The following ANP32B variants were observed in gnomAD, a reference collection of about 807,000 sequenced individuals.
ANP32B encodes the protein acidic leucine-rich nuclear phosphoprotein 32 family member B.
Under a neutral mutation model 32.2 loss-of-function variants are expected in ANP32B, and 6 were observed. The observed-to-expected ratio is 0.19, with a 90% confidence interval of 0.10 to 0.37. The LOEUF (loss-of-function observed/expected upper bound fraction) is 0.37. Among genes scored for constraint, ANP32B ranks in the 10% least tolerant of loss-of-function variants. ANP32B has a pLI of 1.00. For synonymous variants in ANP32B, 98 were observed against 105.8 expected (o/e 0.93, Z 0.45); for missense variants, 204 against 289.2 (o/e 0.71, Z 2.14).
chr9:97,995,669 C>G (rs988196673), intron 2 of ANP32B, among the ~76,000 whole-genome samples: 12 of 151,886 alleles, frequency 7.9e-5, no homozygotes, highest in African/African-American at 2.9e-4. Flanking sequence ...GTCTGTAATC[C>G]CAACACTTTG....
At chr9:98,012,800 G>A (rs540879033) in intron 6 of ANP32B, among the ~76,000 whole-genome samples, 132 of 152,202 alleles carry the variant, frequency 8.7e-4, no homozygotes, top group Non-Finnish European at 1.3e-3. Flanking sequence ...GCACGATCTC[G>A]GCTCACTGCA....
At chr9:98,007,793 T>G (rs2131590696) in intron 4 of ANP32B, among the ~76,000 whole-genome samples, 1 of 152,276 alleles carries the variant, frequency 6.6e-6, no homozygotes, top group African/African-American at 2.4e-5. Context: ...GTGATTAAAA[T>G]TAACCACATT....
chr9:97,998,482 A>G, intron 2 of ANP32B, 74 bp from the exon 3 acceptor site: 4 of 1,448,854 alleles, frequency 2.8e-6, no homozygotes, highest in Non-Finnish European at 3.7e-6. Context: ...TGTATTTGTT[A>G]CTTACAATAC....
At chr9:97,986,251 T>C (rs539039860) in intron 1 of ANP32B, among the ~76,000 whole-genome samples, 1 of 152,390 alleles carries the variant, frequency 6.6e-6, no homozygotes, top group South Asian at 2.1e-4. Context: ...GACAAGTGGC[T>C]CGTGGGTGCT....
intron 1 of ANP32B, among the ~76,000 whole-genome samples, chr9:97,989,348 A>G (rs1260700406): frequency 9.9e-5 from 15 of 152,214 alleles, no homozygotes; most frequent in Admixed American, 9.8e-4. Flanking sequence ...AACAAATATG[A>G]GTTAAGTAGG....
chr9:97,984,878 C>T (rs1472655369), intron 1 of ANP32B, among the ~76,000 whole-genome samples: 2 of 150,694 alleles, frequency 1.3e-5, no homozygotes, highest in Non-Finnish European at 3.0e-5. Context: ...TTCGGCTCGG[C>T]TCGTGGGCCG....
intron 1 of ANP32B, among the ~76,000 whole-genome samples, chr9:97,983,818 G>C (rs542922789): frequency 1.3e-5 from 2 of 151,984 alleles, no homozygotes; most frequent in Admixed American, 6.5e-5. Flanking sequence ...GGGGCGGCCG[G>C]GGGGAGGCAG....
chr9:97,988,960 T>C (rs1265722279), intron 1 of ANP32B, among the ~76,000 whole-genome samples: 1 of 152,198 alleles, frequency 6.6e-6, no homozygotes, highest in Non-Finnish European at 1.5e-5. Flanking sequence ...CCTCCTTTTA[T>C]GGCAGAGACA....
chr9:98,005,353 GAAA>G (rs554062093), intron 4 of ANP32B, 200 bp downstream of exon 4: 10,517 of 301,732 alleles, frequency 0.035, 231 homozygotes, highest in Non-Finnish European at 0.051. Flanking sequence ...ACAGAAAATA[GAAA>G]AAAAAAAAAT....
In ANP32B at chr9:98,012,813, T is replaced by C. The variant is rs953595256; in HGVS notation, c.688+341T>C. Among the ~76,000 whole-genome samples, 4 of 152,102 alleles carry C rather than the reference T, an allele frequency of 2.6e-5. No homozygotes were observed. In the East Asian group the frequency reaches 7.7e-4, roughly 29 times the overall value. ...TGGCACGATCTCGGCTCACTGCAAG[T>C]TCCGCCTCCTAGGTTCAAGCCATTC... On this transcript the variant is annotated intron_variant, in intron 6 of 6. Coordinates refer to ENST00000339399, the MANE Select transcript of ANP32B (RefSeq NM_006401.3).
intron 1 of ANP32B, among the ~76,000 whole-genome samples, chr9:97,987,210 T>C (rs919092540): frequency 6.6e-6 from 1 of 151,960 alleles, no homozygotes; most frequent in Non-Finnish European, 1.5e-5. Flanking sequence ...CCAAAAGAGC[T>C]CTTATGGCAG....
intron 1 of ANP32B, 33 bp from the exon 2 acceptor site, chr9:97,994,598 G>A (rs771679420): frequency 6.4e-7 from 1 of 1,557,156 alleles, no homozygotes; most frequent in South Asian, 1.2e-5. Flanking sequence ...ATGTGTTTTT[G>A]AGAGCTTATC....
intron 3 of ANP32B, among the ~76,000 whole-genome samples, chr9:98,001,795 G>T (rs1443672586): frequency 2.6e-5 from 4 of 152,012 alleles, no homozygotes; most frequent in Admixed American, 2.0e-4. Context: ...ATTTTTAGAG[G>T]ATCTGCTATA....
At chr9:98,013,305 G>C (rs1022972969) in intron 6 of ANP32B, among the ~76,000 whole-genome samples, 1 of 152,168 alleles carries the variant, frequency 6.6e-6, no homozygotes, top group East Asian at 1.9e-4. Context: ...CGGATTACAG[G>C]TGTGAGCCAC....
chr9:98,001,388 T>G (rs1827989528), intron 3 of ANP32B, among the ~76,000 whole-genome samples: 1 of 151,546 alleles, frequency 6.6e-6, no homozygotes, highest in Non-Finnish European at 1.5e-5. Flanking sequence ...GAGATGGGGT[T>G]TCACTGTGTT....
At chr9:98,008,028 CA>C (rs1444551235) in intron 4 of ANP32B, among the ~76,000 whole-genome samples, 3 of 151,680 alleles carry the variant, frequency 2.0e-5, no homozygotes, top group Admixed American at 6.6e-5. Flanking sequence ...TTTTTAAGTT[CA>C]GGGGTACATG....
chr9:98,011,498 A>G (rs1828185257), intron 5 of ANP32B, 109 bp downstream of exon 5: 4 of 1,379,516 alleles, frequency 2.9e-6, no homozygotes, highest in South Asian at 3.0e-5. Context: ...AGAAATTAGT[A>G]TACCTGTGAA....
At position 98,011,461 on chromosome 9, in the gene ANP32B, CAAAAG is replaced by C. The variant is rs369601197; in HGVS notation, c.636+82_636+86del. ...AAAAGTGGGGGTTTCAAAAAGATGA[CAAAAG>C]AAAAGAAAAAACACCTTTTGAAGAA... On this transcript the variant is annotated intron_variant, in intron 5 of 6. Coordinates refer to ENST00000339399, the MANE Select transcript of ANP32B (RefSeq NM_006401.3). 144 of 1,520,180 alleles carry C rather than the reference CAAAAG, an allele frequency of 9.5e-5. 2 individuals carry two copies. The South Asian group carries it at 1.6e-3, about 17-fold the overall frequency. 94.2% of individuals were successfully genotyped at this position (1,520,180 alleles called of 1,614,324 possible). A position where few individuals can be genotyped will look rare whatever the true frequency, so the allele number is the denominator to read the frequency against.
At chr9:98,001,631 A>G (rs1827994227) in intron 3 of ANP32B, among the ~76,000 whole-genome samples, 1 of 152,202 alleles carries the variant, frequency 6.6e-6, no homozygotes, top group South Asian at 2.1e-4. Flanking sequence ...TGTAGCACAC[A>G]GCAATGGAGC....
Sources: gnomAD v4.1 joint callset for allele counts (sites outside exome capture counted in the v4.1 genomes callset) on GRCh38, gnomAD v4.1.1 for gene constraint, MANE v1.5 for transcripts, NCBI Gene and HGNC (gene_info 2026-07-23, HGNC 2026-07-21) for gene names.